The following GTF2E1 variants were observed in gnomAD, a reference collection of about 807,000 sequenced individuals.
The protein encoded by GTF2E1 is general transcription factor IIE subunit 1.
In GTF2E1, 14 loss-of-function variants were observed where a neutral mutation model predicts 34.9. The ratio of observed to expected loss-of-function variants is 0.40; its 90% CI spans 0.27 to 0.63. GTF2E1 has a LOEUF of 0.63. GTF2E1 is among the 20% of genes least tolerant of loss of function. The probability of loss-of-function intolerance (pLI) is 0.39; values close to 1 mark genes in which losing one functional copy is unlikely to be tolerated. For synonymous variants in GTF2E1, 188 were observed against 192.9 expected, an observed-to-expected ratio of 0.97 and a Z score of 0.21; for missense variants, 469 against 557.7, an observed-to-expected ratio of 0.84 and a Z score of 1.60.
rs1223699142 is a variant in GTF2E1, at chr3:120,782,119, C to T, written c.*649C>T. 1 of 152,208 alleles carries T rather than the reference C, an allele frequency of 6.6e-6. No homozygotes were observed. Among genetic ancestry groups the T allele is most frequent in the East Asian group, 1.9e-4 (1 of 5,194 alleles). The allele number at this position is 152,208 out of a possible 1,614,324, so 9.4% of individuals were successfully genotyped here. On this transcript the variant is annotated 3_prime_UTR_variant, in exon 5 of 5. Transcript: ENST00000283875. The stretch of plus-strand genomic sequence containing the variant: ...ATAGGTTACAATAATTCACTGATCA[C>T]ATCCATTTTATCTGTTCTAGCCAGG...
intron 2 of GTF2E1, among the ~76,000 whole-genome samples, chr3:120,753,957 A>G (rs1271327479): frequency 1.3e-5 from 2 of 152,214 alleles, no homozygotes; most frequent in Non-Finnish European, 2.9e-5. Flanking sequence ...TTAAGTTTCT[A>G]AAATATGGGA....
chr3:120,776,510 T>G lies in GTF2E1; in HGVS notation c.738T>G (p.Tyr246Ter). The G allele has an allele frequency of 6.2e-7, 1 of 1,614,030 alleles. No homozygotes were observed. Among genetic ancestry groups the G allele is most frequent in the Non-Finnish European group, 8.5e-7 (1 of 1,179,928 alleles). The change falls in exon 4 of 5, where the codon TAT (tyrosine) becomes TAG (stop). Residue 246 changes from tyrosine (Y) to a stop codon, truncating the protein, a stop_gained. Transcript: ENST00000283875. LOFTEE classifies it high-confidence loss of function. ...CATGGGCCACCAAAGGTCCTTCCTATGAAGACTTATACACTCAGAATGTTG... is the reference window on the plus strand; with the variant it reads ...CATGGGCCACCAAAGGTCCTTCCTAGGAAGACTTATACACTCAGAATGTTG... ...REAWATKGPS[Y>*]EDLYTQNVVI...
chr3:120,775,516 A>G (rs532579824), intron 3 of GTF2E1, among the ~76,000 whole-genome samples: 3 of 152,294 alleles, frequency 2.0e-5, no homozygotes, highest in South Asian at 4.1e-4. Context: ...ATGAGCTCAG[A>G]CAGAGAATCA....
At chr3:120,743,273 G>T (rs1032215106) in intron 1 of GTF2E1, among the ~76,000 whole-genome samples, 3 of 152,280 alleles carry the variant, frequency 2.0e-5, no homozygotes, top group African/African-American at 7.2e-5. Flanking sequence ...CACTTTTCTT[G>T]TTTTTTTCTC....
intron 2 of GTF2E1, among the ~76,000 whole-genome samples, chr3:120,752,208 C>T (rs979235135): frequency 1.3e-5 from 2 of 152,110 alleles, no homozygotes; most frequent in Non-Finnish European, 1.5e-5. Flanking sequence ...GAAAGGGCTC[C>T]ACAAGGAGAG....
intron 1 of GTF2E1, among the ~76,000 whole-genome samples, chr3:120,746,900 A>G (rs1024057569): frequency 2.6e-5 from 4 of 152,348 alleles, no homozygotes; most frequent in South Asian, 2.1e-4. Context: ...TTAAGTTGAT[A>G]TGGAAGCTGT....
chr3:120,777,561 A>G (rs1213783232), intron 4 of GTF2E1, among the ~76,000 whole-genome samples: 2 of 152,196 alleles, frequency 1.3e-5, no homozygotes, highest in Non-Finnish European at 2.9e-5. Flanking sequence ...CATAATTAGC[A>G]TTTAGTATAT....
chr3:120,750,258 C>T (rs545718378), intron 1 of GTF2E1, among the ~76,000 whole-genome samples: 34 of 152,154 alleles, frequency 2.2e-4, no homozygotes, highest in East Asian at 7.7e-4. Context: ...GTAGACTTGA[C>T]GTAATATATT....
chr3:120,767,574 A>T (rs139044631), intron 2 of GTF2E1, among the ~76,000 whole-genome samples: 1 of 152,292 alleles, frequency 6.6e-6, no homozygotes, highest in Non-Finnish European at 1.5e-5. Context: ...AACTGGCTTA[A>T]ATACTGACAC....
chr3:120,757,826 A>G (rs772294753), intron 2 of GTF2E1, among the ~76,000 whole-genome samples: 8 of 152,240 alleles, frequency 5.3e-5, no homozygotes, highest in Non-Finnish European at 1.0e-4. Context: ...ATGTTTTTGG[A>G]GAATTCAATA....
At chr3:120,764,836 C>T (rs892042076) in intron 2 of GTF2E1, among the ~76,000 whole-genome samples, 1 of 151,814 alleles carries the variant, frequency 6.6e-6, no homozygotes, top group Non-Finnish European at 1.5e-5. Context: ...GACTGAATAC[C>T]CATATAATTA....
intron 2 of GTF2E1, among the ~76,000 whole-genome samples, chr3:120,760,795 A>C (rs1709253742): frequency 6.6e-6 from 1 of 152,092 alleles, no homozygotes; most frequent in East Asian, 1.9e-4. Flanking sequence ...TTGGTGGATA[A>C]GCTTTTTGAT....
At chr3:120,750,167 A>C (rs114132959) in intron 1 of GTF2E1, among the ~76,000 whole-genome samples, 1 of 152,202 alleles carries the variant, frequency 6.6e-6, no homozygotes, top group Non-Finnish European at 1.5e-5. Flanking sequence ...GCGAACTGCT[A>C]GTTTTCTCAG....
At chr3:120,771,661 T>A (rs1166592136) in intron 3 of GTF2E1, among the ~76,000 whole-genome samples, 5 of 152,148 alleles carry the variant, frequency 3.3e-5, no homozygotes, top group Non-Finnish European at 7.4e-5. Flanking sequence ...TCAGGCTGTA[T>A]TTGTATAGTT....
In GTF2E1 at chr3:120,765,394, A is replaced by G. The variant is rs6808960; in HGVS notation, c.449-5334A>G. ...CTGATAGGTTAAGACTTAGCCAAGT[A>G]AATGCCAGGTATGTGACAGGCACTT... On this transcript the variant is annotated intron_variant, in intron 2 of 4. Transcript: ENST00000283875. Among the ~76,000 whole-genome samples, 1,163 of 152,336 alleles carry G rather than the reference A, an allele frequency of 7.6e-3. 15 individuals are homozygous for G. The highest frequency in any genetic ancestry group is 0.027 in the African/African-American group (1,104 of 41,578).
intron 1 of GTF2E1, among the ~76,000 whole-genome samples, chr3:120,748,053 G>A (rs539977770): frequency 6.6e-6 from 1 of 151,770 alleles, no homozygotes; most frequent in Non-Finnish European, 1.5e-5. Flanking sequence ...GTCTTCTTTT[G>A]AGAAGTGTCT....
At chr3:120,752,980 A>T (rs1709178380) in intron 2 of GTF2E1, among the ~76,000 whole-genome samples, 1 of 152,194 alleles carries the variant, frequency 6.6e-6, no homozygotes, top group African/African-American at 2.4e-5. Context: ...TATAATCATT[A>T]GGGACCCTCA....
intron 2 of GTF2E1, among the ~76,000 whole-genome samples, chr3:120,760,308 T>G (rs1340102034): frequency 6.6e-6 from 1 of 152,236 alleles, no homozygotes; most frequent in South Asian, 2.1e-4. Context: ...AAATTGCTTA[T>G]CAGGTGAAGG....
chr3:120,766,012 T>C (rs1211206693), intron 2 of GTF2E1, among the ~76,000 whole-genome samples: 1 of 152,212 alleles, frequency 6.6e-6, no homozygotes, highest in Non-Finnish European at 1.5e-5. Flanking sequence ...GCTCTGAGTT[T>C]CAATTTCAGT....
Sources: gnomAD v4.1 joint callset for allele counts (sites outside exome capture counted in the v4.1 genomes callset) on GRCh38, gnomAD v4.1.1 for gene constraint, MANE v1.5 for transcripts, NCBI Gene and HGNC (gene_info 2026-07-23, HGNC 2026-07-21) for gene names.